Variants in THADA observed in about 807,000 individuals in gnomAD.
THADA encodes tRNA (32-2'-O)-methyltransferase regulator THADA.
In THADA, 213 loss-of-function variants were observed where a neutral mutation model predicts 219.8. The ratio of observed to expected loss-of-function variants is 0.97; its 90% CI spans 0.87 to 1.09. The LOEUF is 1.09. Ranked by LOEUF, THADA falls within the 50% of genes least tolerant of loss-of-function variation. The pLI, the probability that THADA is intolerant of heterozygous loss-of-function variation, is 0.00. For synonymous variants in THADA, 1,018 were observed against 828.9 expected (o/e 1.23, Z -3.92); for missense variants, 2,956 against 2,311.3 (o/e 1.28, Z -5.72).
intron 29 of THADA, among the ~76,000 whole-genome samples, chr2:43,376,664 A>T (rs116817800): frequency 0.011 from 1,692 of 152,342 alleles, 32 homozygotes; most frequent in African/African-American, 0.039. Context: ...AATGACTGAC[A>T]TTCAGAAGGG....
chr2:43,542,057 T>C (rs979569040), intron 20 of THADA, among the ~76,000 whole-genome samples: 5 of 152,306 alleles, frequency 3.3e-5, no homozygotes, highest in East Asian at 3.9e-4. Context: ...CCATGGCCAA[T>C]AAGCTATAAT....
chr2:43,306,626 C>T (rs1422432531), intron 31 of THADA, among the ~76,000 whole-genome samples: 3 of 152,168 alleles, frequency 2.0e-5, no homozygotes, highest in Admixed American at 1.3e-4. Context: ...GAGTCTGAGA[C>T]TGAAGAGGTT....
intron 36 of THADA, among the ~76,000 whole-genome samples, chr2:43,255,692 G>C (rs1404780558): frequency 6.6e-6 from 1 of 152,182 alleles, no homozygotes; most frequent in Non-Finnish European, 1.5e-5. Context: ...TCTAATATTT[G>C]GTTTCCCACA....
At chr2:43,387,713 G>T (rs982926420) in intron 29 of THADA, among the ~76,000 whole-genome samples, 4 of 152,100 alleles carry the variant, frequency 2.6e-5, no homozygotes, top group African/African-American at 9.7e-5. Context: ...ATTTTTGGTT[G>T]TTGTTGTCAC....
At chr2:43,430,335 T>A (rs1274791013) in intron 26 of THADA, 33 bp from the exon 27 acceptor site, 2 of 1,266,850 alleles carry the variant, frequency 1.6e-6, no homozygotes, top group South Asian at 1.4e-5. Flanking sequence ...TTTATTATCA[T>A]TTATTCCCTT....
intron 26 of THADA, among the ~76,000 whole-genome samples, chr2:43,472,082 G>C (rs75850210): frequency 6.6e-6 from 1 of 152,164 alleles, no homozygotes; most frequent in Non-Finnish European, 1.5e-5. Flanking sequence ...ATTTAACAGG[G>C]ATTGGGGGAA....
intron 31 of THADA, among the ~76,000 whole-genome samples, chr2:43,312,498 TC>T (rs1283819829): frequency 2.0e-5 from 3 of 152,156 alleles, no homozygotes; most frequent in Non-Finnish European, 2.9e-5. Flanking sequence ...GCCTCTGTAC[TC>T]AGCGCAAGGT....
At chr2:43,256,165 G>T (rs924865388) in intron 36 of THADA, among the ~76,000 whole-genome samples, 5 of 152,184 alleles carry the variant, frequency 3.3e-5, no homozygotes, top group African/African-American at 1.2e-4. Flanking sequence ...CCAAAATGAA[G>T]TGGTAAGGTC....
At chr2:43,314,362 C>T (rs372690862) in intron 31 of THADA, among the ~76,000 whole-genome samples, 3 of 151,248 alleles carry the variant, frequency 2.0e-5, no homozygotes, top group Admixed American at 1.3e-4. Flanking sequence ...GAAAAACCCG[C>T]TCATAAAACC....
chr2:43,262,205 T>C (rs1020417453), intron 36 of THADA, among the ~76,000 whole-genome samples: 3 of 152,222 alleles, frequency 2.0e-5, no homozygotes, highest in Admixed American at 6.5e-5. Context: ...CAGCAAAATA[T>C]GGACATGTTA....
chr2:43,431,235 T>C (rs942079331), intron 26 of THADA, among the ~76,000 whole-genome samples: 1 of 152,014 alleles, frequency 6.6e-6, no homozygotes, highest in Non-Finnish European at 1.5e-5. Context: ...AACTGAAACG[T>C]TTTTACACAC....
At chr2:43,532,665 G>C (rs1251659375) in intron 21 of THADA, among the ~76,000 whole-genome samples, 1 of 152,116 alleles carries the variant, frequency 6.6e-6, no homozygotes, top group East Asian at 1.9e-4. Flanking sequence ...GGCAAAAGCT[G>C]AAAGCATTCC....
intron 29 of THADA, among the ~76,000 whole-genome samples, chr2:43,344,576 C>T (rs901252753): frequency 3.3e-5 from 5 of 152,050 alleles, no homozygotes; most frequent in African/African-American, 9.7e-5. Context: ...TGTTAGCTGT[C>T]GCACATGAAA....
At position 43,296,864 on chromosome 2, in the gene THADA, G is replaced by A. The variant is rs28403088; in HGVS notation, c.4439-3651C>T. On this transcript the variant is annotated intron_variant, in intron 31 of 37. Coordinates refer to ENST00000405975, the MANE Select transcript of THADA (RefSeq NM_022065.5). ...ACGGCCGCCCGGGAGGCAGCGGCTG[G>A]AGGAGCGGACGGGCCCCGCGGGGCC... is the stretch of plus-strand genomic sequence containing the variant. Among the ~76,000 whole-genome samples, 989 of 145,934 alleles carry A rather than the reference G, an allele frequency of 6.8e-3. 3 individuals are homozygous for A. Among genetic ancestry groups the A allele is most frequent in the Non-Finnish European group, 0.01 (680 of 66,698 alleles).
At chr2:43,324,604 G>A (rs542212207) in intron 30 of THADA, among the ~76,000 whole-genome samples, 35 of 152,152 alleles carry the variant, frequency 2.3e-4, no homozygotes, top group Non-Finnish European at 3.8e-4. Context: ...ACTCTGAACT[G>A]GCTTCTAAGT....
rs574174400 is a variant in THADA, at chr2:43,344,015, A to G, written c.4343+107T>C. On this transcript the variant is annotated intron_variant, in intron 30 of 37. Coordinates refer to ENST00000405975, the MANE Select transcript of THADA (RefSeq NM_022065.5). ...AGGATAAATACTCCAATAAGTTTAG[A>G]AAACTCATGCCAATGACTTTTAAAA... The G allele has an allele frequency of 6.5e-6, 5 of 764,420 alleles. No individual in the cohort carries two copies. The African/African-American group carries it at 8.8e-5, about 13-fold the overall frequency. The allele number at this position is 764,420 out of a possible 1,614,324, so 47.4% of individuals were successfully genotyped here. A position where few individuals can be genotyped will look rare whatever the true frequency, so the allele number is the denominator to read the frequency against.
chr2:43,453,980 G>A (rs561088821), intron 26 of THADA, among the ~76,000 whole-genome samples: 1 of 152,272 alleles, frequency 6.6e-6, no homozygotes, highest in African/African-American at 2.4e-5. Flanking sequence ...CCGGGCTCAA[G>A]TGATCCTTCT....
At chr2:43,251,533 G>GTCTC (rs1364576537) in intron 36 of THADA, among the ~76,000 whole-genome samples, 4 of 152,210 alleles carry the variant, frequency 2.6e-5, no homozygotes, top group Non-Finnish European at 5.9e-5. Flanking sequence ...TCTGCTTCCT[G>GTCTC]TCTCTGTCAG....
chr2:43,455,125 C>G (rs1682826495), intron 26 of THADA, among the ~76,000 whole-genome samples: 1 of 152,186 alleles, frequency 6.6e-6, no homozygotes, highest in Admixed American at 6.5e-5. Flanking sequence ...TGATAATCCT[C>G]TAATCTTATT....
Sources: allele counts gnomAD v4.1 joint callset (sites outside exome capture counted in the v4.1 genomes callset), GRCh38; gene constraint gnomAD v4.1.1; transcripts MANE v1.5; gene names NCBI Gene and HGNC (gene_info 2026-07-23, HGNC 2026-07-21).